PIK3C2G: variants seen among roughly 807,000 people sequenced by gnomAD.
PIK3C2G encodes phosphatidylinositol 3-kinase C2 domain-containing subunit gamma.
PIK3C2G carries 168 observed loss-of-function variants against 181.1 expected under a neutral mutation model. The ratio of observed to expected loss-of-function variants is 0.93; its 90% CI spans 0.82 to 1.05. The LOEUF (loss-of-function observed/expected upper bound fraction) is 1.05, where lower values mean the gene tolerates loss of function less well. Ranked by LOEUF, PIK3C2G falls within the 50% of genes least tolerant of loss-of-function variation. The pLI is 0.00. For synonymous variants in PIK3C2G, 573 were observed against 592.2 expected (o/e 0.97, Z 0.47); for missense variants, 1,869 against 1,732.8 (o/e 1.08, Z -1.40).
chr12:18,358,592 G>C (rs1940959240), intron 11 of PIK3C2G: 3 of 444,100 alleles, frequency 6.8e-6, no homozygotes, highest in Non-Finnish European at 8.9e-6. Flanking sequence ...ACTTAACCCA[G>C]TTAAGAAGAA....
At chr12:18,608,895 T>C (rs2136591196) in intron 30 of PIK3C2G, among the ~76,000 whole-genome samples, 1 of 152,186 alleles carries the variant, frequency 6.6e-6, no homozygotes, top group East Asian at 1.9e-4. Flanking sequence ...TAGATTTGGA[T>C]TCTGTGCAGG....
At chr12:18,293,774 T>A in intron 4 of PIK3C2G, 127 bp from the exon 5 acceptor site, 1 of 624,468 alleles carries the variant, frequency 1.6e-6, no homozygotes, top group Non-Finnish European at 2.9e-6. Context: ...TCAATTTAAT[T>A]CCCCTTGATG....
the PIK3C2G span, among the ~76,000 whole-genome samples, chr12:18,707,093 G>T: frequency 6.6e-6 from 1 of 152,082 alleles, no homozygotes; most frequent in Non-Finnish European, 1.5e-5. Flanking sequence ...TCTTATAAAA[G>T]TCCTTATGAT....
At chr12:18,688,002 A>G in the PIK3C2G span, 3 of 1,535,312 alleles carry the variant, frequency 2.0e-6, no homozygotes, top group South Asian at 3.5e-5. Flanking sequence ...AATAATAAAT[A>G]TGTACAAAAA....
the PIK3C2G span, among the ~76,000 whole-genome samples, chr12:18,661,924 T>C: frequency 6.6e-6 from 1 of 151,942 alleles, no homozygotes; most frequent in African/African-American, 2.4e-5. Flanking sequence ...CACCATGAAA[T>C]ACTACACATC....
chr12:18,568,602 A>G (rs908177067), intron 29 of PIK3C2G, among the ~76,000 whole-genome samples: 2 of 152,062 alleles, frequency 1.3e-5, no homozygotes, highest in Non-Finnish European at 2.9e-5. Flanking sequence ...CAGGTATTCA[A>G]TTGATTGGAT....
chr12:18,355,648 C>T (rs1047755529), intron 11 of PIK3C2G, among the ~76,000 whole-genome samples: 2 of 152,116 alleles, frequency 1.3e-5, no homozygotes, highest in African/African-American at 2.4e-5. Flanking sequence ...AGCTGTTGGG[C>T]ACAGCACATG....
At chr12:18,405,933 T>C (rs941819238) in intron 16 of PIK3C2G, among the ~76,000 whole-genome samples, 2 of 152,156 alleles carry the variant, frequency 1.3e-5, no homozygotes, top group African/African-American at 4.8e-5. Flanking sequence ...TGATACATTG[T>C]TATTAACTCT....
chr12:18,259,454 T>TACAGGCAGATGAGTAAGGACACTTGTA (rs1948181917), upstream of PIK3C2G, among the ~76,000 whole-genome samples: 1 of 152,060 alleles, frequency 6.6e-6, no homozygotes, highest in Non-Finnish European at 1.5e-5. Context: ...CGAGCAAGAC[T>TACAGGCAGATGAGTAAGGACACTTGTA]ACAGGCAGAT....
chr12:18,389,997 C>T (rs1292059831), intron 14 of PIK3C2G, among the ~76,000 whole-genome samples: 1 of 152,158 alleles, frequency 6.6e-6, no homozygotes, highest in Admixed American at 6.5e-5. Flanking sequence ...TGCCCTTCCC[C>T]TCTAAGGTAC....
downstream of PIK3C2G, chr12:18,648,523 T>C (rs987696209): frequency 1.7e-5 from 3 of 171,864 alleles, no homozygotes; most frequent in Admixed American, 6.4e-5. Context: ...CAGAATGCTA[T>C]ATTATTTTCT....
At chr12:18,303,098 T>C (rs201258023) in intron 5 of PIK3C2G, among the ~76,000 whole-genome samples, 1 of 88,698 alleles carries the variant, frequency 1.1e-5, no homozygotes, top group East Asian at 4.5e-4. Flanking sequence ...TTTCTTTTCT[T>C]TCTCTTTCTT....
At chr12:18,478,381 T>C (rs1215993721) in intron 18 of PIK3C2G, among the ~76,000 whole-genome samples, 1 of 152,208 alleles carries the variant, frequency 6.6e-6, no homozygotes, top group Non-Finnish European at 1.5e-5. Flanking sequence ...GCACATCTGT[T>C]GCATGTGCAC....
chr12:18,287,128 G>A (rs1949479308), intron 3 of PIK3C2G, among the ~76,000 whole-genome samples, 199 bp downstream of exon 3: 1 of 152,118 alleles, frequency 6.6e-6, no homozygotes, highest in South Asian at 2.1e-4. Context: ...TAGTCAAATA[G>A]ATGTTTTTCT....
At chr12:18,507,655 A>T (rs1479161556) in intron 24 of PIK3C2G, among the ~76,000 whole-genome samples, 2 of 152,056 alleles carry the variant, frequency 1.3e-5, no homozygotes, top group African/African-American at 4.8e-5. Context: ...AAATTCAAAG[A>T]TTCAGTTTGG....
chr12:18,573,199 C>A (rs2136385179), intron 29 of PIK3C2G, among the ~76,000 whole-genome samples: 1 of 152,182 alleles, frequency 6.6e-6, no homozygotes, highest in Non-Finnish European at 1.5e-5. Context: ...TTACTATTAT[C>A]TTAGTGTGGA....
rs1592671444 is a variant in PIK3C2G, at chr12:18,594,474, T to A, written c.4012-20T>A. 1 of 1,441,610 alleles carries A rather than the reference T, an allele frequency of 6.9e-7. No homozygotes were observed. The highest frequency in any genetic ancestry group is 2.5e-5 in the East Asian group (1 of 40,752). 89.3% of individuals were successfully genotyped at this position (1,441,610 alleles called of 1,614,324 possible). A position where few individuals can be genotyped will look rare whatever the true frequency, so the allele number is the denominator to read the frequency against. ...AAATATAAGAAATAAAGAAATATTATGTTTCATTTTGTTTTTCAGAGTGAT... is the reference window on the plus strand; with the variant it reads ...AAATATAAGAAATAAAGAAATATTAAGTTTCATTTTGTTTTTCAGAGTGAT... On this transcript the variant is annotated intron_variant, in intron 29 of 32. Coordinates refer to ENST00000538779, the MANE Select transcript of PIK3C2G (RefSeq NM_001288772.2).
chr12:18,389,319 C>G (rs1013226457), intron 14 of PIK3C2G, among the ~76,000 whole-genome samples: 2 of 150,852 alleles, frequency 1.3e-5, no homozygotes, highest in African/African-American at 4.9e-5. Flanking sequence ...TGCCACTGCA[C>G]TCCAGCCTGG....
chr12:18,550,444 A>G (rs1332310553), intron 26 of PIK3C2G, among the ~76,000 whole-genome samples: 2 of 151,924 alleles, frequency 1.3e-5, no homozygotes, highest in East Asian at 3.9e-4. Flanking sequence ...TAATATTGCT[A>G]TTTTGTGCTG....
Sources: gnomAD v4.1 joint callset for allele counts (sites outside exome capture counted in the v4.1 genomes callset) on GRCh38, gnomAD v4.1.1 for gene constraint, MANE v1.5 for transcripts, NCBI Gene and HGNC (gene_info 2026-07-23, HGNC 2026-07-21) for gene names.